NME7: variants seen among roughly 807,000 people sequenced by gnomAD.
NME7 encodes the protein nucleoside diphosphate kinase 7.
In NME7, 41 loss-of-function variants were observed where a neutral mutation model predicts 49.1. The observed-to-expected ratio is 0.83, with a 90% CI of 0.65 to 1.08. The LOEUF is 1.08. Among genes scored for constraint, NME7 ranks in the 50% least tolerant of loss-of-function variants. The probability of loss-of-function intolerance (pLI) is 0.00; values close to 1 mark genes in which losing one functional copy is unlikely to be tolerated. For missense variants in NME7, 423 were observed against 463.4 expected, an observed-to-expected ratio of 0.91 and a Z score of 0.80; for synonymous variants, 139 against 150.6, an observed-to-expected ratio of 0.92 and a Z score of 0.56.
At chr1:169,157,866 G>C (rs1249663884) in intron 11 of NME7, among the ~76,000 whole-genome samples, 6 of 152,194 alleles carry the variant, frequency 3.9e-5, no homozygotes, top group Non-Finnish European at 8.8e-5. Flanking sequence ...GTCTTCTTTT[G>C]AGAAGTGTCT....
intron 3 of NME7, among the ~76,000 whole-genome samples, chr1:169,311,798 T>C (rs7413522): frequency 0.35 from 53,444 of 152,086 alleles, 10,506 homozygotes; most frequent in Non-Finnish European, 0.44. Flanking sequence ...AAGTCTAAAA[T>C]TGACAAACAG....
chr1:169,157,005 T>C (rs1023707009), intron 11 of NME7, among the ~76,000 whole-genome samples: 17 of 152,210 alleles, frequency 1.1e-4, no homozygotes, highest in Non-Finnish European at 2.9e-5. Context: ...AGGTTTTACT[T>C]GAATAAACAG....
chr1:169,342,576 GTATA>G (rs557502839), intron 1 of NME7, among the ~76,000 whole-genome samples: 3 of 49,554 alleles, frequency 6.1e-5, no homozygotes, highest in African/African-American at 1.5e-4. Flanking sequence ...CATATATATA[GTATA>G]TATATATATA....
chr1:169,342,523 T>C (rs1224017731), intron 1 of NME7, among the ~76,000 whole-genome samples: 1 of 107,378 alleles, frequency 9.3e-6, no homozygotes, highest in East Asian at 2.1e-4. Context: ...ATATAGTATA[T>C]ATATACAAGT....
At chr1:169,248,806 T>C (rs1395538686) in intron 7 of NME7, among the ~76,000 whole-genome samples, 1 of 152,158 alleles carries the variant, frequency 6.6e-6, no homozygotes, top group East Asian at 1.9e-4. Context: ...TGGCTTTATT[T>C]CTGGGTTCTC....
intron 1 of NME7, among the ~76,000 whole-genome samples, chr1:169,334,104 A>T (rs1169085835): frequency 3.9e-5 from 6 of 152,206 alleles, no homozygotes; most frequent in Admixed American, 3.9e-4. Context: ...GAAATATCTT[A>T]AACTAACTAG....
At chr1:169,244,298 A>C (rs865876026) in intron 7 of NME7, among the ~76,000 whole-genome samples, 17 of 152,272 alleles carry the variant, frequency 1.1e-4, no homozygotes, top group African/African-American at 3.9e-4. Flanking sequence ...TTGTTTATTA[A>C]TAGTTCTAGA....
intron 10 of NME7, among the ~76,000 whole-genome samples, chr1:169,178,426 C>G (rs1659822235): frequency 6.6e-6 from 1 of 152,082 alleles, no homozygotes; most frequent in Non-Finnish European, 1.5e-5. Flanking sequence ...TTGTGGCAGA[C>G]TCAATGCCTA....
chr1:169,210,591 T>TACACAC (rs112929835), intron 10 of NME7, among the ~76,000 whole-genome samples: 1,610 of 150,962 alleles, frequency 0.011, 14 homozygotes, highest in Middle Eastern at 0.031. Context: ...AATATTTAAA[T>TACACAC]ACACACACAC....
At chr1:169,252,573 C>A (rs1648680271) in intron 7 of NME7, among the ~76,000 whole-genome samples, 1 of 152,048 alleles carries the variant, frequency 6.6e-6, no homozygotes, top group South Asian at 2.1e-4. Flanking sequence ...TAATTAGATC[C>A]CATTTGTCGA....
At chr1:169,192,278 T>C (rs1214926259) in intron 10 of NME7, among the ~76,000 whole-genome samples, 1 of 152,120 alleles carries the variant, frequency 6.6e-6, no homozygotes, top group African/African-American at 2.4e-5. Context: ...ACAGTATAGC[T>C]GGCCCTCTGT....
At chr1:169,249,721 A>G (rs1348238376) in intron 7 of NME7, among the ~76,000 whole-genome samples, 6 of 152,184 alleles carry the variant, frequency 3.9e-5, no homozygotes, top group Admixed American at 6.5e-5. Flanking sequence ...CTTTTTCTGC[A>G]TCTATTCAGA....
rs1571346888 is a variant in NME7, at chr1:169,276,555, G to A, written c.754+10748C>T. Among the ~76,000 whole-genome samples the A allele has an allele frequency of 1.5e-5, 2 of 131,786 alleles. 1 individual carries two copies. The highest frequency in any genetic ancestry group is 4.7e-4 in the South Asian group (2 of 4,238). The allele number at this position is 131,786 out of a possible 152,430, so 86.5% of individuals were successfully genotyped here. A position where few individuals can be genotyped will look rare whatever the true frequency, so the allele number is the denominator to read the frequency against. On this transcript the variant is annotated intron_variant, in intron 7 of 11. Coordinates refer to ENST00000367811, the MANE Select transcript of NME7 (RefSeq NM_013330.5). ...GATATCCCCTTTATCAGTTTTTATT[G>A]CGTCTATTAGATTCTTCTCTCTTTT...
intron 6 of NME7, 90 bp from the exon 7 acceptor site, chr1:169,287,498 ACTT>A: frequency 1.1e-6 from 1 of 915,864 alleles, no homozygotes; most frequent in East Asian, 2.6e-5. Context: ...TCATGCAATT[ACTT>A]TTAGAGTTTC....
At chr1:169,150,338 A>G (rs969800819) in intron 11 of NME7, among the ~76,000 whole-genome samples, 1 of 152,214 alleles carries the variant, frequency 6.6e-6, no homozygotes, top group Non-Finnish European at 1.5e-5. Flanking sequence ...CTTGTTATAA[A>G]AAAGGTAAGG....
intron 5 of NME7, 27 bp from the exon 6 acceptor site, chr1:169,298,790 G>C (rs1018822824): frequency 3.2e-6 from 5 of 1,585,832 alleles, no homozygotes; most frequent in Admixed American, 1.7e-5. Flanking sequence ...AGATTAGTTT[G>C]CTTCTTTTTT....
intron 4 of NME7, among the ~76,000 whole-genome samples, chr1:169,308,486 C>G (rs73034687): frequency 0.027 from 4,180 of 152,298 alleles, 175 homozygotes; most frequent in African/African-American, 0.094. Context: ...CCTAGAGACA[C>G]TCTGTGTTAC....
intron 1 of NME7, among the ~76,000 whole-genome samples, chr1:169,366,884 C>T (rs776952286): frequency 7.4e-6 from 1 of 134,862 alleles, no homozygotes; most frequent in Admixed American, 7.3e-5. Context: ...TGGGTGAGGG[C>T]TCTGTTTCTA....
chr1:169,226,855 T>C (rs1647360880), intron 10 of NME7, among the ~76,000 whole-genome samples: 1 of 152,176 alleles, frequency 6.6e-6, no homozygotes, highest in Non-Finnish European at 1.5e-5. Context: ...AAAATCCCTG[T>C]GGTGCAACTT....
Sources: allele counts gnomAD v4.1 joint callset (sites outside exome capture counted in the v4.1 genomes callset), GRCh38; gene constraint gnomAD v4.1.1; transcripts MANE v1.5; gene names NCBI Gene and HGNC (gene_info 2026-07-23, HGNC 2026-07-21).